Variants in BBOX1 observed in about 807,000 individuals in gnomAD.
BBOX1 encodes gamma-butyrobetaine hydroxylase 1, also known as gamma-butyrobetaine dioxygenase.
BBOX1 carries 35 observed loss-of-function variants against 41.6 expected under a neutral mutation model. That is an observed-to-expected ratio of 0.84 (90% CI 0.64 to 1.11). The LOEUF (loss-of-function observed/expected upper bound fraction) is 1.11, where lower values mean the gene tolerates loss of function less well. BBOX1 is among the 50% of genes most tolerant of loss of function. BBOX1 has a pLI of 0.00. For synonymous variants in BBOX1, 163 were observed against 154.7 expected (o/e 1.05, Z -0.40); for missense variants, 458 against 460.6 (o/e 0.99, Z 0.05).
chr11:27,108,517 C>A (rs896913937), intron 5 of BBOX1, among the ~76,000 whole-genome samples: 1 of 152,050 alleles, frequency 6.6e-6, no homozygotes, highest in African/African-American at 2.4e-5. Flanking sequence ...TGTTGACAAT[C>A]GTCTGGATCC....
intron 2 of BBOX1, among the ~76,000 whole-genome samples, chr11:27,046,439 G>GACACACACACACAC (rs34097371): frequency 6.7e-6 from 1 of 149,634 alleles, no homozygotes; most frequent in Non-Finnish European, 1.5e-5. Flanking sequence ...ACACACCACA[G>GACACACACACACAC]ACACACACAC....
At chr11:27,124,827 T>C (rs958612438) in intron 7 of BBOX1, among the ~76,000 whole-genome samples, 2 of 152,212 alleles carry the variant, frequency 1.3e-5, no homozygotes, top group Non-Finnish European at 2.9e-5. Context: ...CCCGGCCTTC[T>C]TTCTTTATAT....
intron 5 of BBOX1, among the ~76,000 whole-genome samples, chr11:27,109,829 T>G (rs1590219711): frequency 6.6e-6 from 1 of 152,098 alleles, no homozygotes; most frequent in Non-Finnish European, 1.5e-5. Context: ...AGAGGCAGGG[T>G]AGAATACCAG....
chr11:27,059,747 A>G (rs1857084309), intron 4 of BBOX1, among the ~76,000 whole-genome samples: 1 of 152,114 alleles, frequency 6.6e-6, no homozygotes, highest in Non-Finnish European at 1.5e-5. Context: ...ATAATTTTGG[A>G]GCCTTAAGAT....
rs773575734 is a variant in BBOX1 at position 27,057,870 on chromosome 11, G to T, written c.334+555G>T. ...TAGGAAGAATTTATATAGGTTTCAAGGGGATCCATAAACAGAACAATGTTC... is the reference window on the plus strand; with the variant it reads ...TAGGAAGAATTTATATAGGTTTCAATGGGATCCATAAACAGAACAATGTTC... On this transcript the variant is annotated intron_variant, in intron 4 of 8. Coordinates refer to ENST00000263182, the MANE Select transcript of BBOX1 (RefSeq NM_003986.3). 3.3e-5 allele frequency among the ~76,000 whole-genome samples: 5 copies of T among 152,094 alleles called. 1 individual carries two copies. The South Asian group carries it at 1.0e-3, about 32-fold the overall frequency.
chr11:27,077,717 C>T (rs997925634), intron 4 of BBOX1, among the ~76,000 whole-genome samples: 24 of 151,600 alleles, frequency 1.6e-4, no homozygotes, highest in African/African-American at 5.8e-4. Context: ...ATTGCTTTCT[C>T]ATTGTCTCCC....
chr11:27,072,241 A>G (rs927556627), intron 4 of BBOX1, among the ~76,000 whole-genome samples: 3 of 152,212 alleles, frequency 2.0e-5, no homozygotes, highest in African/African-American at 4.8e-5. Context: ...TACAAAATCA[A>G]TGTGCAAAAA....
At position 27,054,234 on chromosome 11, in the gene BBOX1, T is replaced by TGTGTGTGTGTGTGCGC. The variant is rs1491475061; in HGVS notation, c.-38-1158_-38-1157insTGTGTGTGTGTGCGCG. Among the ~76,000 whole-genome samples, 217 of 148,300 alleles carry TGTGTGTGTGTGTGCGC rather than the reference T, an allele frequency of 1.5e-3. 1 individual carries two copies. Among genetic ancestry groups the TGTGTGTGTGTGTGCGC allele is most frequent in the African/African-American group, 4.5e-3 (181 of 39,950 alleles). ...GTGTGTGTGTGTGTGTGTGTGTGTG[T>TGTGTGTGTGTGTGCGC]GCGTGCACATGTGTACATGCATTCC... is the stretch of plus-strand genomic sequence containing the variant. On this transcript the variant is annotated intron_variant, in intron 2 of 8. Transcript: ENST00000263182.
intron 4 of BBOX1, among the ~76,000 whole-genome samples, chr11:27,072,920 G>A (rs113885640): frequency 5.1e-4 from 78 of 152,136 alleles, no homozygotes; most frequent in African/African-American, 1.8e-3. Flanking sequence ...AATTCAAGAC[G>A]GATTAAAGAC....
At chr11:27,066,971 C>A (rs1417501897) in intron 4 of BBOX1, among the ~76,000 whole-genome samples, 1 of 152,112 alleles carries the variant, frequency 6.6e-6, no homozygotes, top group Non-Finnish European at 1.5e-5. Flanking sequence ...TGGCCCTAGG[C>A]CTTGCTAAGT....
chr11:27,082,690 A>G (rs79567382), intron 4 of BBOX1, among the ~76,000 whole-genome samples: 8,999 of 152,214 alleles, frequency 0.059, 334 homozygotes, highest in Admixed American at 0.14. Context: ...GATTGTTGTG[A>G]GATTTATATA....
At chr11:27,045,621 TGA>T in intron 2 of BBOX1, among the ~76,000 whole-genome samples, 1 of 152,204 alleles carries the variant, frequency 6.6e-6, no homozygotes, top group Non-Finnish European at 1.5e-5. Flanking sequence ...CCTAGTTTAT[TGA>T]GAGTTTTTAG....
At chr11:27,124,382 C>A (rs1550617) in intron 7 of BBOX1, among the ~76,000 whole-genome samples, 1 of 151,990 alleles carries the variant, frequency 6.6e-6, no homozygotes, top group South Asian at 2.1e-4. Context: ...ACTTTAAGAT[C>A]GTCTGAAGGT....
At chr11:27,054,588 T>C (rs887329755) in intron 2 of BBOX1, among the ~76,000 whole-genome samples, 1 of 152,178 alleles carries the variant, frequency 6.6e-6, no homozygotes, top group African/African-American at 2.4e-5. Context: ...AAATAGTCCA[T>C]GTCCTTAAAT....
intron 4 of BBOX1, among the ~76,000 whole-genome samples, chr11:27,080,450 T>C (rs550578928): frequency 6.6e-6 from 1 of 152,246 alleles, no homozygotes; most frequent in South Asian, 2.1e-4. Context: ...TTCCATGGAT[T>C]GTTCATTTAT....
intron 4 of BBOX1, among the ~76,000 whole-genome samples, chr11:27,077,597 T>C (rs1857675099): frequency 7.3e-6 from 1 of 137,064 alleles, no homozygotes; most frequent in South Asian, 2.4e-4. Context: ...ATACTAACAA[T>C]GTCTCCAATC....
At chr11:27,053,642 G>A (rs1389039710) in intron 2 of BBOX1, among the ~76,000 whole-genome samples, 4 of 152,074 alleles carry the variant, frequency 2.6e-5, no homozygotes, top group Admixed American at 2.6e-4. Flanking sequence ...AACAATGTAT[G>A]TGAGAAAACT....
At chr11:27,046,604 A>G (rs1436361038) in intron 2 of BBOX1, among the ~76,000 whole-genome samples, 1 of 152,190 alleles carries the variant, frequency 6.6e-6, no homozygotes, top group East Asian at 1.9e-4. Context: ...CTAAATTACA[A>G]TTGTAAGAAG....
chr11:27,102,435 C>G (rs918528780), intron 5 of BBOX1, among the ~76,000 whole-genome samples: 2 of 152,060 alleles, frequency 1.3e-5, no homozygotes, highest in African/African-American at 4.8e-5. Flanking sequence ...TTGCCAGCCA[C>G]CCCAAAACCC....
Sources: gnomAD v4.1 joint callset for allele counts (sites outside exome capture counted in the v4.1 genomes callset) on GRCh38, gnomAD v4.1.1 for gene constraint, MANE v1.5 for transcripts, NCBI Gene and HGNC (gene_info 2026-07-23, HGNC 2026-07-21) for gene names.